Variants in SHANK2 observed in about 807,000 individuals in gnomAD.
SHANK2 encodes the protein SH3 and multiple ankyrin repeat domains protein 2.
Under a neutral mutation model 133.7 loss-of-function variants are expected in SHANK2, and 43 were observed. That is an observed-to-expected ratio of 0.32 (90% CI 0.25 to 0.41). The LOEUF (loss-of-function observed/expected upper bound fraction) is 0.41, where lower values mean the gene tolerates loss of function less well. SHANK2 is among the 10% of genes least tolerant of loss of function. The probability of loss-of-function intolerance (pLI) is 1.00; values close to 1 mark genes in which losing one functional copy is unlikely to be tolerated. For synonymous variants in SHANK2, 1,017 were observed against 952.8 expected (o/e 1.07, Z -1.24); for missense variants, 1,994 against 2,235.8 (o/e 0.89, Z 2.18).
At position 70,915,903 on chromosome 11, in the gene SHANK2, T is replaced by C. The variant is rs114538705; in HGVS notation, c.1108-19336A>G. ...TTTTTTTCTCATTCTAAACACTGTG[T>C]GTGTTCCCTGACCTCCATTTATTTC... On this transcript the variant is annotated intron_variant, in intron 10 of 25. Coordinates refer to ENST00000601538, the MANE Select transcript of SHANK2 (RefSeq NM_012309.5). Among the ~76,000 whole-genome samples the C allele has an allele frequency of 3.0e-3, 453 of 152,308 alleles. 4 individuals are homozygous for C. The highest frequency in any genetic ancestry group is 0.01 in the African/African-American group (432 of 41,576).
At position 70,485,897 on chromosome 11, in the gene SHANK2, C is replaced by T. The variant is rs141627985; in HGVS notation, c.4396G>A (p.Ala1466Thr). Residue 1466 changes from alanine to threonine, a missense_variant, in exon 25 of 26, where the codon GCC becomes ACC. This residue lies in a region of SHANK2 where 797 missense variants were observed against 907.4 expected (regional missense o/e 0.88). Transcript: ENST00000601538. This position sits in a 1 kb window ranked among gnomAD's most constrained non-coding sequence, Gnocchi z 5.8. ...PTNSADSKKP[A>T]SLSNCLPASF... is the part of the protein sequence containing the mutation. ...GCAGGCAGACAGTTTGAAAGACTGG[C>T]TGGCTTCTTGCTGTCTGCAGAGTTG... The T allele has an allele frequency of 6.2e-7, 1 of 1,614,146 alleles. No individual in the cohort carries two copies. The highest frequency in any genetic ancestry group is 8.5e-7 in the Non-Finnish European group (1 of 1,180,032).
intron 15 of SHANK2, among the ~76,000 whole-genome samples, chr11:70,663,067 G>A (rs1040138714): frequency 6.6e-6 from 1 of 152,166 alleles, no homozygotes; most frequent in East Asian, 1.9e-4. Flanking sequence ...GTGAGCCTCG[G>A]GGGTGAGGAG....
intron 17 of SHANK2, among the ~76,000 whole-genome samples, chr11:70,625,146 G>T (rs577477923): frequency 4.6e-5 from 7 of 152,284 alleles, no homozygotes; most frequent in African/African-American, 1.4e-4. Flanking sequence ...ACAGGCAGGC[G>T]TGGGGGGCAG....
chr11:70,627,119 T>C (rs929830198), intron 17 of SHANK2, among the ~76,000 whole-genome samples: 2 of 152,208 alleles, frequency 1.3e-5, no homozygotes, highest in African/African-American at 4.8e-5. Flanking sequence ...GCTCTAGCAC[T>C]AAAGGTTCCT....
intron 9 of SHANK2, among the ~76,000 whole-genome samples, chr11:71,074,073 G>C (rs1270647660): frequency 6.6e-6 from 1 of 152,184 alleles, no homozygotes; most frequent in Non-Finnish European, 1.5e-5. Context: ...AGCTGTGGGA[G>C]TGGGATGCTC....
At chr11:70,819,244 C>T (rs1177864727) in intron 12 of SHANK2, among the ~76,000 whole-genome samples, 1 of 152,240 alleles carries the variant, frequency 6.6e-6, no homozygotes, top group Non-Finnish European at 1.5e-5. Flanking sequence ...GGGCCTGTGC[C>T]GAGTCCTGCC....
intron 2 of SHANK2, among the ~76,000 whole-genome samples, chr11:71,185,651 C>G (rs1248922449): frequency 6.6e-6 from 1 of 152,228 alleles, no homozygotes; most frequent in Non-Finnish European, 1.5e-5. Context: ...CTCCTGTTGA[C>G]TGACATGGTC....
At chr11:71,168,617 G>A (rs1953240595) in intron 2 of SHANK2, among the ~76,000 whole-genome samples, 1 of 152,220 alleles carries the variant, frequency 6.6e-6, no homozygotes, top group Admixed American at 6.5e-5. Flanking sequence ...GCAGTTAGGA[G>A]CTGGAGACCA....
intron 17 of SHANK2, among the ~76,000 whole-genome samples, chr11:70,641,295 G>A (rs948907368): frequency 9.2e-5 from 14 of 152,070 alleles, no homozygotes; most frequent in South Asian, 2.1e-4. Flanking sequence ...GGGTTTCACC[G>A]TGGTAGCCAG....
chr11:70,674,415 C>T (rs112647800), intron 15 of SHANK2, among the ~76,000 whole-genome samples: 2 of 151,490 alleles, frequency 1.3e-5, no homozygotes, highest in African/African-American at 4.8e-5. Context: ...TTGGCATGAT[C>T]TTGGCTCACT....
chr11:71,231,055 AT>A (rs1219221414), intron 1 of SHANK2, among the ~76,000 whole-genome samples: 1 of 152,250 alleles, frequency 6.6e-6, no homozygotes, highest in Non-Finnish European at 1.5e-5. Context: ...ACATACAAAA[AT>A]ATTGACAAAT....
rs376412663 is a variant in SHANK2 at position 70,599,889 on chromosome 11, A to AAGAAAG, written c.2061+59938_2061+59939insCTTTCT. Among the ~76,000 whole-genome samples the AAGAAAG allele has an allele frequency of 1.8e-3, 136 of 73,660 alleles. 3 individuals are homozygous for AAGAAAG. Among genetic ancestry groups the AAGAAAG allele is most frequent in the African/African-American group, 3.9e-3 (68 of 17,290 alleles). The allele number at this position is 73,660 out of a possible 152,430, so 48.3% of individuals were successfully genotyped here. On this transcript the variant is annotated intron_variant, in intron 17 of 25. Coordinates refer to ENST00000601538, the MANE Select transcript of SHANK2 (RefSeq NM_012309.5). ...AAAGAAAGAAAGAAAGAAAGAAAGA[A>AAGAAAG]AAAGAAAGAAAGAAAGAGAAAGAAA... is the stretch of plus-strand genomic sequence containing the variant.
intron 2 of SHANK2, among the ~76,000 whole-genome samples, chr11:71,211,119 C>T (rs569229983): frequency 2.0e-5 from 3 of 151,822 alleles, no homozygotes; most frequent in Admixed American, 6.6e-5. Context: ...CCACAGGCCC[C>T]GTGGCTACTC....
chr11:70,696,268 C>G (rs1420094879), intron 15 of SHANK2, among the ~76,000 whole-genome samples: 3 of 152,156 alleles, frequency 2.0e-5, no homozygotes, highest in Admixed American at 6.5e-5. Context: ...ATTTTCTGGC[C>G]CTGCTGTTAG....
intron 8 of SHANK2, among the ~76,000 whole-genome samples, chr11:71,088,065 A>G (rs1255060781): frequency 6.6e-6 from 1 of 152,202 alleles, no homozygotes; most frequent in Non-Finnish European, 1.5e-5. Context: ...TCTCAAAACC[A>G]GTAGACTAAA....
At chr11:70,711,439 A>C (rs1241622895) in intron 14 of SHANK2, among the ~76,000 whole-genome samples, 6 of 152,282 alleles carry the variant, frequency 3.9e-5, no homozygotes, top group African/African-American at 1.4e-4. Context: ...AAGGAGGAAG[A>C]AATTACTGAT....
intron 11 of SHANK2, chr11:70,826,374 G>A: frequency 2.2e-6 from 1 of 451,390 alleles, no homozygotes; most frequent in Non-Finnish European, 4.6e-6. Flanking sequence ...GGCAATTTTA[G>A]GAGGAACTGG....
At chr11:70,669,956 T>C (rs1269969429) in intron 15 of SHANK2, among the ~76,000 whole-genome samples, 1 of 152,240 alleles carries the variant, frequency 6.6e-6, no homozygotes, top group Non-Finnish European at 1.5e-5. Flanking sequence ...ATGTTTTTCA[T>C]GGCAGAAAGG....
chr11:70,497,007 C>T (rs1450635178), intron 21 of SHANK2: 3 of 456,590 alleles, frequency 6.6e-6, no homozygotes, highest in East Asian at 1.4e-4. Context: ...TCCTAATAAC[C>T]CCAAAACAAA....
Sources: allele counts gnomAD v4.1 joint callset (sites outside exome capture counted in the v4.1 genomes callset), GRCh38; gene constraint gnomAD v4.1.1; regional missense constraint gnomAD v4.1.1; non-coding constraint Gnocchi (gnomAD v3.1); transcripts MANE v1.5; gene names NCBI Gene and HGNC (gene_info 2026-07-23, HGNC 2026-07-21).